SORL1: variants seen among roughly 807,000 people sequenced by gnomAD.
SORL1 encodes sortilin-related receptor.
Under a neutral mutation model 273.7 loss-of-function variants are expected in SORL1, and 127 were observed. The observed-to-expected ratio is 0.46, with a 90% CI of 0.40 to 0.54. The LOEUF (loss-of-function observed/expected upper bound fraction) is 0.54. Ranked by LOEUF, SORL1 falls within the 20% of genes least tolerant of loss-of-function variation. SORL1 has a pLI of 0.00. For missense variants in SORL1, 2,494 were observed against 2,846.1 expected (o/e 0.88, Z 2.81); for synonymous variants, 1,031 against 1,067.4 (o/e 0.97, Z 0.66).
In SORL1 at chr11:121,515,944, A is replaced by G. The variant is rs185832208; in HGVS notation, c.1211+1623A>G. ...TTACAGATATGAGCCAACACACTCA[A>G]TCCTGTCTTTTCCTTCGAAATGAGA... On this transcript the variant is annotated intron_variant, in intron 8 of 47. Transcript: ENST00000260197. Among the ~76,000 whole-genome samples the G allele has an allele frequency of 1.6e-3, 250 of 152,268 alleles. 1 individual carries two copies. Among genetic ancestry groups the G allele is most frequent in the Admixed American group, 2.6e-3 (40 of 15,292 alleles).
chr11:121,479,983 G>A (rs1175820467), intron 3 of SORL1, among the ~76,000 whole-genome samples: 1 of 152,188 alleles, frequency 6.6e-6, no homozygotes, highest in East Asian at 1.9e-4. Flanking sequence ...GCACAGTGTG[G>A]TCCCCAGGAC....
intron 18 of SORL1, among the ~76,000 whole-genome samples, chr11:121,555,749 A>G (rs1394879301): frequency 1.3e-5 from 2 of 152,182 alleles, no homozygotes; most frequent in Admixed American, 1.3e-4. Context: ...CAATATCATC[A>G]TCATCATCAT....
At chr11:121,617,094 G>T (rs1863654109) in intron 41 of SORL1, among the ~76,000 whole-genome samples, 2 of 152,356 alleles carry the variant, frequency 1.3e-5, no homozygotes, top group South Asian at 2.1e-4. Flanking sequence ...AGATTGTGGA[G>T]ACCAAGGTTC....
chr11:121,554,770 T>C lies in SORL1; in HGVS notation c.2440-417T>C, dbSNP rs1418645026. 6.6e-6 allele frequency among the ~76,000 whole-genome samples: 1 copy of C among 152,176 alleles called. No homozygotes were observed. Among genetic ancestry groups the C allele is most frequent in the Non-Finnish European group, 1.5e-5 (1 of 68,036 alleles). ...GAATGGAGCTGTCCAACAATAGCAC[T>C]TGATGGCTAAGAGCCTCACAGGGAA... On this transcript the variant is annotated intron_variant, in intron 17 of 47. Coordinates refer to ENST00000260197, the MANE Select transcript of SORL1 (RefSeq NM_003105.6). This position sits in a 1 kb window ranked among gnomAD's most constrained non-coding sequence, Gnocchi z 4.6.
Position 121,627,817 on chromosome 11 carries a change from G to T in SORL1, c.6577+50G>T, listed in dbSNP as rs766519924. On this transcript the variant is annotated intron_variant, in intron 47 of 47. Transcript: ENST00000260197. This position sits in a 1 kb window ranked among gnomAD's most constrained non-coding sequence, Gnocchi z 4.9. ...TCTTCCTCCCAGGGCTGACCCCCAC[G>T]CAGCCAATGACTTGATTAGGAAACA... is the stretch of plus-strand genomic sequence containing the variant. 1.0e-5 allele frequency: 14 copies of T among 1,366,882 alleles called. No homozygotes were observed. Among genetic ancestry groups the T allele is most frequent in the Middle Eastern group, 2.5e-4 (1 of 4,046 alleles). The allele number at this position is 1,366,882 out of a possible 1,614,324, so 84.7% of individuals were successfully genotyped here. A position where few individuals can be genotyped will look rare whatever the true frequency, so the allele number is the denominator to read the frequency against.
intron 28 of SORL1, 89 bp downstream of exon 28, chr11:121,588,240 A>G: frequency 6.8e-7 from 1 of 1,467,528 alleles, no homozygotes; most frequent in Non-Finnish European, 9.4e-7. Flanking sequence ...TCTCTATTTA[A>G]TAACTGACAG....
chr11:121,608,237 TTTCAGTATGACC>T, intron 38 of SORL1, 61 bp downstream of exon 38: 1 of 1,366,516 alleles, frequency 7.3e-7, no homozygotes, highest in Admixed American at 1.8e-5. Context: ...TTCAAATGAC[TTTCAGTATGACC>T]GGAAAATGGA....
intron 11 of SORL1, among the ~76,000 whole-genome samples, chr11:121,527,826 T>C (rs1862145193): frequency 6.6e-6 from 1 of 152,176 alleles, no homozygotes; most frequent in Admixed American, 6.5e-5. Flanking sequence ...GATGATTTCA[T>C]TCTTGATATT....
At chr11:121,606,483 T>A (rs562450391) in intron 35 of SORL1, among the ~76,000 whole-genome samples, 38 of 152,324 alleles carry the variant, frequency 2.5e-4, no homozygotes, top group Admixed American at 7.2e-4. Context: ...ACAGTACAGT[T>A]TTTGTTGTAC....
At chr11:121,468,198 A>G (rs1347851870) in intron 1 of SORL1, among the ~76,000 whole-genome samples, 2 of 152,138 alleles carry the variant, frequency 1.3e-5, no homozygotes, top group African/African-American at 4.8e-5. Flanking sequence ...CTCGGAGGGC[A>G]GGTTGGCCCA....
Position 121,627,909 on chromosome 11 carries a change from T to C in SORL1, c.6577+142T>C. 1.6e-6 allele frequency: 1 copy of C among 623,588 alleles called. No homozygotes were observed. The highest frequency in any genetic ancestry group is 2.8e-6 in the Non-Finnish European group (1 of 357,386). 38.6% of individuals were successfully genotyped at this position (623,588 alleles called of 1,614,324 possible). On this transcript the variant is annotated intron_variant, in intron 47 of 47. Coordinates refer to ENST00000260197, the MANE Select transcript of SORL1 (RefSeq NM_003105.6). The surrounding 1 kb of genome is among the most constrained non-coding windows in gnomAD (Gnocchi z 4.9). The stretch of plus-strand genomic sequence containing the variant: ...TCAGCCAGCGATTTGATTCCATGAG[T>C]TTTGGTTAAACCATTCAGAGCCCTC...
At chr11:121,495,334 C>T (rs1861612934) in intron 5 of SORL1, among the ~76,000 whole-genome samples, 1 of 152,142 alleles carries the variant, frequency 6.6e-6, no homozygotes, top group Non-Finnish European at 1.5e-5. Context: ...GGTCCCCCTC[C>T]CTACCCTGGC....
intron 12 of SORL1, among the ~76,000 whole-genome samples, chr11:121,539,833 G>A (rs1480801015): frequency 6.6e-6 from 1 of 152,106 alleles, no homozygotes; most frequent in Non-Finnish European, 1.5e-5. Context: ...TGTGTATCAA[G>A]TGCTCTGTTT....
chr11:121,621,812 G>A (rs1357415399), intron 44 of SORL1, among the ~76,000 whole-genome samples: 1 of 152,220 alleles, frequency 6.6e-6, no homozygotes, highest in Non-Finnish European at 1.5e-5. Context: ...TGGGCCATGT[G>A]CCATTGTCAC....
At chr11:121,464,946 G>A (rs376350256) in intron 1 of SORL1, among the ~76,000 whole-genome samples, 10 of 152,194 alleles carry the variant, frequency 6.6e-5, no homozygotes, top group African/African-American at 2.4e-5. Context: ...AAGAGTGGAA[G>A]CTCCTAGGTT....
chr11:121,579,673 C>T (rs777023494), intron 25 of SORL1, among the ~76,000 whole-genome samples: 4 of 152,144 alleles, frequency 2.6e-5, no homozygotes, highest in Non-Finnish European at 5.9e-5. Context: ...TACTAAAATA[C>T]CTAGTATTTT....
intron 1 of SORL1, among the ~76,000 whole-genome samples, chr11:121,467,116 G>A (rs1861095710): frequency 1.4e-5 from 2 of 143,076 alleles, no homozygotes; most frequent in African/African-American, 5.3e-5. Flanking sequence ...TGCAAGCTCC[G>A]CCTCCCGGGT....
chr11:121,456,402 G>A (rs1442493722), intron 1 of SORL1, among the ~76,000 whole-genome samples: 1 of 152,146 alleles, frequency 6.6e-6, no homozygotes, highest in East Asian at 1.9e-4. Context: ...TTGTGGACCA[G>A]CCACACACCT....
rs1863451460 is a variant in SORL1, at chr11:121,605,235, T to C, written c.4774T>C (p.Tyr1592His). ...TGCTTCTTGTGTATATAATGTCTAC[T>C]ACAGGTAGGTCCCATCTTTGTCATG... The part of the protein sequence containing the change: ...PSASCVYNVY[Y>H]RVVGESIWKT... Residue 1592 changes from tyrosine to histidine, a missense_variant, in exon 34 of 48, where the codon TAC becomes CAC. Around this residue, in one of 3 missense-constraint regions of SORL1, gnomAD observed 1,609 missense variants for 1,816.4 expected, o/e 0.89. Coordinates refer to ENST00000260197, the MANE Select transcript of SORL1 (RefSeq NM_003105.6). 6.2e-7 allele frequency: 1 copy of C among 1,610,114 alleles called. No individual in the cohort carries two copies. Among genetic ancestry groups the C allele is most frequent in the African/African-American group, 1.3e-5 (1 of 74,792 alleles).
Sources: gnomAD v4.1 joint callset for allele counts (sites outside exome capture counted in the v4.1 genomes callset) on GRCh38, gnomAD v4.1.1 for gene constraint, gnomAD v4.1.1 regional missense constraint, Gnocchi (gnomAD v3.1) non-coding constraint, MANE v1.5 for transcripts, NCBI Gene and HGNC (gene_info 2026-07-23, HGNC 2026-07-21) for gene names.